Variants in ARHGEF4 observed in about 807,000 individuals in gnomAD.
The protein encoded by ARHGEF4 is APC-stimulated guanine nucleotide exchange factor 1.
In ARHGEF4, 119 loss-of-function variants were observed where a neutral mutation model predicts 162.0. The observed-to-expected ratio is 0.73, with a 90% confidence interval of 0.63 to 0.86. ARHGEF4 has a LOEUF of 0.86. Ranked by LOEUF, ARHGEF4 falls within the 40% of genes least tolerant of loss-of-function variation. The probability of loss-of-function intolerance (pLI) is 0.00; values close to 1 mark genes in which losing one functional copy is unlikely to be tolerated. For missense variants in ARHGEF4, 2,488 were observed against 2,456.0 expected (o/e 1.01, Z -0.28); for synonymous variants, 1,014 against 979.9 (o/e 1.03, Z -0.65).
intron 1 of ARHGEF4, among the ~76,000 whole-genome samples, chr2:130,864,116 G>A (rs1682084669): frequency 6.6e-6 from 1 of 151,910 alleles, no homozygotes; most frequent in Non-Finnish European, 1.5e-5. Flanking sequence ...AACCCGGGAG[G>A]CGGAGCTTGC....
chr2:131,046,259 C>T lies in ARHGEF4; in HGVS notation c.*70C>T. ...GCCCCCAGTTTTTCTTCCCCGAGGC[C>T]CACTCGGCCTGGCCTTCCTCTGCCT... On this transcript the variant is annotated 3_prime_UTR_variant, in exon 14 of 14. Coordinates refer to ENST00000409359, the MANE Select transcript of ARHGEF4 (RefSeq NM_001367493.1). The T allele has an allele frequency of 6.7e-7, 1 of 1,487,136 alleles. No individual in the cohort carries two copies. The highest frequency in any genetic ancestry group is 1.2e-5 in the South Asian group (1 of 80,182). 92.1% of individuals were successfully genotyped at this position (1,487,136 alleles called of 1,614,324 possible). A position where few individuals can be genotyped will look rare whatever the true frequency, so the allele number is the denominator to read the frequency against.
At chr2:130,945,198 A>G (rs375957828) in intron 3 of ARHGEF4, among the ~76,000 whole-genome samples, 2 of 151,914 alleles carry the variant, frequency 1.3e-5, no homozygotes, top group Admixed American at 6.6e-5. Context: ...TCCTCTTGGC[A>G]TTCTCCCAGG....
intron 4 of ARHGEF4, among the ~76,000 whole-genome samples, chr2:130,986,910 G>A (rs182419557): frequency 1.3e-5 from 2 of 152,354 alleles, no homozygotes; most frequent in African/African-American, 2.4e-5. Context: ...ACAATCCTAG[G>A]TGGTTTGCAC....
chr2:130,875,989 C>T (rs80150694), intron 1 of ARHGEF4, among the ~76,000 whole-genome samples: 2,859 of 152,304 alleles, frequency 0.019, 88 homozygotes, highest in African/African-American at 0.065. Flanking sequence ...ACTCCCATCA[C>T]GCCGCTTCAC....
chr2:130,847,696 C>T (rs1182922142), intron 1 of ARHGEF4, among the ~76,000 whole-genome samples: 1 of 152,208 alleles, frequency 6.6e-6, no homozygotes, highest in Non-Finnish European at 1.5e-5. Context: ...CTGGGTCCAC[C>T]CAGGTCCCCT....
At chr2:131,045,543 C>T (rs772513686) in intron 13 of ARHGEF4, 97 bp downstream of exon 13, 1 of 1,612,108 alleles carries the variant, frequency 6.2e-7, no homozygotes, top group South Asian at 1.1e-5. Context: ...AGCTAGCCAC[C>T]AGGCCTGAGG....
chr2:130,844,322 G>A (rs1246578523), intron 1 of ARHGEF4, among the ~76,000 whole-genome samples: 3 of 152,194 alleles, frequency 2.0e-5, no homozygotes, highest in Non-Finnish European at 4.4e-5. Flanking sequence ...GACGGGGATG[G>A]TGCTGCCTGT....
intron 4 of ARHGEF4, among the ~76,000 whole-genome samples, chr2:130,995,410 T>G (rs1397929428): frequency 2.0e-5 from 3 of 152,220 alleles, no homozygotes; most frequent in Non-Finnish European, 4.4e-5. Flanking sequence ...CAACCTTGCC[T>G]TCTACCTCCG....
intron 5 of ARHGEF4, 106 bp downstream of exon 5, chr2:131,028,190 C>T: frequency 1.4e-6 from 2 of 1,452,688 alleles, no homozygotes; most frequent in Non-Finnish European, 1.9e-6. Context: ...TTCCATGTGG[C>T]TGCTGGTGGT....
At chr2:130,927,951 G>A (rs1682396866) in intron 2 of ARHGEF4, among the ~76,000 whole-genome samples, 2 of 152,082 alleles carry the variant, frequency 1.3e-5, no homozygotes. Flanking sequence ...AATGATTTCA[G>A]TGTCTTCCTT....
At chr2:130,844,856 C>T (rs1003315426) in intron 1 of ARHGEF4, among the ~76,000 whole-genome samples, 2 of 151,894 alleles carry the variant, frequency 1.3e-5, no homozygotes, top group Admixed American at 1.3e-4. Context: ...GAATCTCATA[C>T]TCTTGTCACC....
intron 4 of ARHGEF4, among the ~76,000 whole-genome samples, chr2:130,982,757 T>C (rs1030842907): frequency 2.6e-5 from 4 of 152,186 alleles, no homozygotes; most frequent in Admixed American, 2.6e-4. Flanking sequence ...CACATCTCTC[T>C]CCCTTACTTA....
chr2:130,887,881 C>T (rs907578260), intron 1 of ARHGEF4, among the ~76,000 whole-genome samples: 117 of 152,128 alleles, frequency 7.7e-4, no homozygotes, highest in Non-Finnish European at 3.8e-4. Context: ...GGGCTGGGGC[C>T]GAATGTCACT....
chr2:130,992,734 T>G (rs1476925914), intron 4 of ARHGEF4, among the ~76,000 whole-genome samples: 2 of 152,190 alleles, frequency 1.3e-5, no homozygotes, highest in Non-Finnish European at 1.5e-5. Context: ...ATGCAACAAC[T>G]TTAAAGTATT....
In ARHGEF4 at chr2:131,045,463, C is replaced by G; in HGVS notation, c.5479+17C>G. Reference sequence around the variant, plus strand: ...AGCCCAAAGGTAGGCGGACAGCAGCCCCACCTCCTCGGCTGCCCGGTCCTT... The same window carrying G: ...AGCCCAAAGGTAGGCGGACAGCAGCGCCACCTCCTCGGCTGCCCGGTCCTT... On this transcript the variant is annotated intron_variant, in intron 13 of 13. Coordinates refer to ENST00000409359, the MANE Select transcript of ARHGEF4 (RefSeq NM_001367493.1). 1 of 1,613,552 alleles carries G rather than the reference C, an allele frequency of 6.2e-7. No individual in the cohort carries two copies. The highest frequency in any genetic ancestry group is 8.5e-7 in the Non-Finnish European group (1 of 1,179,974).
At chr2:130,997,525 C>G (rs1687478253) in intron 4 of ARHGEF4, among the ~76,000 whole-genome samples, 1 of 152,200 alleles carries the variant, frequency 6.6e-6, no homozygotes. Flanking sequence ...GCATTCTTCT[C>G]TGGTTTTCTG....
chr2:131,006,301 C>T (rs1301872341), intron 4 of ARHGEF4, among the ~76,000 whole-genome samples: 1 of 152,220 alleles, frequency 6.6e-6, no homozygotes, highest in Admixed American at 6.5e-5. Flanking sequence ...AGAGAACCCA[C>T]TGAGCCACAC....
At chr2:130,946,409 CAATGAAAAGT>C in intron 3 of ARHGEF4, 90 bp from the exon 4 acceptor site, 4 of 1,443,580 alleles carry the variant, frequency 2.8e-6, no homozygotes, top group Non-Finnish European at 3.7e-6. Context: ...GCTCTGTTCA[CAATGAAAAGT>C]CCTCAGCAAT....
At chr2:131,042,328 G>A (rs181926307) in intron 10 of ARHGEF4, among the ~76,000 whole-genome samples, 2 of 152,326 alleles carry the variant, frequency 1.3e-5, no homozygotes, top group African/African-American at 2.4e-5. Context: ...GCCCAACACA[G>A]CATGACCAAA....
Sources: gnomAD v4.1 joint callset for allele counts (sites outside exome capture counted in the v4.1 genomes callset) on GRCh38, gnomAD v4.1.1 for gene constraint, MANE v1.5 for transcripts, NCBI Gene and HGNC (gene_info 2026-07-23, HGNC 2026-07-21) for gene names.